Variants in CALD1 observed in about 807,000 individuals in gnomAD.
The protein encoded by CALD1 is caldesmon 1, also known as caldesmon.
In CALD1, 33 loss-of-function variants were observed where a neutral mutation model predicts 99.9. The ratio of observed to expected loss-of-function variants is 0.33; its 90% CI spans 0.25 to 0.44. The LOEUF is 0.44. Ranked by LOEUF, CALD1 falls within the 20% of genes least tolerant of loss-of-function variation. The pLI is 1.00. For missense variants in CALD1, 861 were observed against 962.1 expected (o/e 0.89, Z 1.39); for synonymous variants, 310 against 325.0 (o/e 0.95, Z 0.50).
At chr7:134,836,849 C>T (rs1799462176) in intron 1 of CALD1, among the ~76,000 whole-genome samples, 1 of 152,172 alleles carries the variant, frequency 6.6e-6, no homozygotes, top group Non-Finnish European at 1.5e-5. Flanking sequence ...ATCATCTTGC[C>T]TGTGAAAATC....
chr7:134,773,936 C>T (rs113630514), intron 1 of CALD1, among the ~76,000 whole-genome samples: 1 of 151,704 alleles, frequency 6.6e-6, no homozygotes, highest in African/African-American at 2.4e-5. Context: ...TTTGGGATAC[C>T]GAGGCAGGCG....
intron 3 of CALD1, among the ~76,000 whole-genome samples, chr7:134,927,344 T>G (rs1415073032): frequency 4.6e-5 from 7 of 151,692 alleles, no homozygotes; most frequent in Admixed American, 6.6e-5. Flanking sequence ...GCTCAGGAGC[T>G]CGAGACCATC....
At chr7:134,792,303 T>TC (rs1467451270) in intron 1 of CALD1, among the ~76,000 whole-genome samples, 1 of 150,980 alleles carries the variant, frequency 6.6e-6, no homozygotes, top group African/African-American at 2.4e-5. Flanking sequence ...TTTTTTTTTT[T>TC]TTTGAGATGG....
chr7:134,737,126 A>T, the CALD1 span, among the ~76,000 whole-genome samples: 1 of 152,236 alleles, frequency 6.6e-6, no homozygotes, highest in African/African-American at 2.4e-5. Flanking sequence ...AATGGTAACT[A>T]CATATATACT....
In CALD1 at chr7:134,904,294, C is replaced by A. The variant is rs188459911; in HGVS notation, c.72-24460C>A. Among the ~76,000 whole-genome samples, 69 of 151,768 alleles carry A rather than the reference C, an allele frequency of 4.5e-4. 1 individual carries two copies. In the East Asian group the frequency reaches 0.011, roughly 25 times the overall value. On this transcript the variant is annotated intron_variant, in intron 3 of 14. Transcript: ENST00000361675. ...TAATTATTGAATACATTTAAAATGC[C>A]AGCTGGCCATGCATGGTGGCTCACA...
intron 1 of CALD1, among the ~76,000 whole-genome samples, chr7:134,759,849 T>C (rs1796761245): frequency 6.6e-6 from 1 of 152,192 alleles, no homozygotes; most frequent in Non-Finnish European, 1.5e-5. Context: ...AAATTGAATA[T>C]ACAGTATGTC....
chr7:134,763,340 G>A (rs1053611485), intron 1 of CALD1, among the ~76,000 whole-genome samples: 13 of 152,340 alleles, frequency 8.5e-5, no homozygotes, highest in Middle Eastern at 3.4e-3. Flanking sequence ...GAAGGCAAGT[G>A]TTTTGGAGTT....
chr7:134,888,605 G>A (rs548147047), intron 3 of CALD1, among the ~76,000 whole-genome samples: 88 of 152,236 alleles, frequency 5.8e-4, no homozygotes, highest in African/African-American at 2.0e-3. Context: ...GCGTCTTCCC[G>A]CGTTGCCTGT....
At chr7:134,928,614 G>A (rs1805243246) in intron 3 of CALD1, 140 bp from the exon 4 acceptor site, 1 of 696,046 alleles carries the variant, frequency 1.4e-6, no homozygotes, top group Non-Finnish European at 2.3e-6. Flanking sequence ...TAAACTTAAG[G>A]AACTGAACCA....
intron 3 of CALD1, among the ~76,000 whole-genome samples, chr7:134,884,664 C>A (rs1451183285): frequency 6.7e-6 from 1 of 148,270 alleles, no homozygotes; most frequent in African/African-American, 2.5e-5. Flanking sequence ...TCTTTAGAAA[C>A]CTTTGGAAAA....
chr7:134,790,131 G>A (rs916399023), intron 1 of CALD1, among the ~76,000 whole-genome samples: 9 of 150,986 alleles, frequency 6.0e-5, no homozygotes, highest in Non-Finnish European at 1.0e-4. Context: ...GAGGGAGGAA[G>A]GGAAAAGGGG....
chr7:134,898,318 G>A (rs894525194), intron 3 of CALD1, among the ~76,000 whole-genome samples: 2 of 152,140 alleles, frequency 1.3e-5, no homozygotes, highest in African/African-American at 4.8e-5. Context: ...TAAGTACAGA[G>A]CAAATCCAAG....
intron 1 of CALD1, among the ~76,000 whole-genome samples, chr7:134,810,746 C>A (rs1395104457): frequency 6.6e-6 from 1 of 152,178 alleles, no homozygotes; most frequent in African/African-American, 2.4e-5. Context: ...TCAGCCTTTG[C>A]ATTCTCAGTC....
intron 3 of CALD1, among the ~76,000 whole-genome samples, chr7:134,924,704 T>C (rs1255319620): frequency 6.6e-6 from 1 of 152,218 alleles, no homozygotes; most frequent in Non-Finnish European, 1.5e-5. Flanking sequence ...AAAAGATCCA[T>C]AGATATTTTG....
upstream of CALD1, among the ~76,000 whole-genome samples, chr7:134,743,453 C>A (rs929850152): frequency 1.3e-5 from 2 of 152,130 alleles, no homozygotes; most frequent in Non-Finnish European, 2.9e-5. Flanking sequence ...CAATCCTGAG[C>A]AAATCTAAGG....
intron 1 of CALD1, among the ~76,000 whole-genome samples, chr7:134,786,178 T>C (rs530747646): frequency 6.6e-6 from 1 of 152,204 alleles, no homozygotes; most frequent in Non-Finnish European, 1.5e-5. Context: ...ACAAAGTCAT[T>C]GCAAGAGGTA....
At chr7:134,795,732 C>T (rs1432105614) in intron 1 of CALD1, among the ~76,000 whole-genome samples, 3 of 151,978 alleles carry the variant, frequency 2.0e-5, no homozygotes, top group Non-Finnish European at 4.4e-5. Flanking sequence ...CAGCCTTGTG[C>T]TTTATCCATG....
At chr7:134,747,630 A>G (rs971965504) in intron 1 of CALD1, among the ~76,000 whole-genome samples, 1 of 152,202 alleles carries the variant, frequency 6.6e-6, no homozygotes, top group African/African-American at 2.4e-5. Flanking sequence ...GAGCAGCCTT[A>G]TATCAGGGGC....
chr7:134,721,557 A>T, the CALD1 span, among the ~76,000 whole-genome samples: 5 of 152,092 alleles, frequency 3.3e-5, no homozygotes, highest in Non-Finnish European at 7.4e-5. Context: ...GTTCTACTAT[A>T]GCAAAAAATA....
Sources: allele counts gnomAD v4.1 joint callset (sites outside exome capture counted in the v4.1 genomes callset), GRCh38; gene constraint gnomAD v4.1.1; transcripts MANE v1.5; gene names NCBI Gene and HGNC (gene_info 2026-07-23, HGNC 2026-07-21).